Variants in HCN1 observed in about 807,000 individuals in gnomAD.
HCN1 encodes hyperpolarization activated cyclic nucleotide gated potassium channel 1.
HCN1 carries 13 observed loss-of-function variants against 78.9 expected under a neutral mutation model. The ratio of observed to expected loss-of-function variants is 0.16; its 90% CI spans 0.11 to 0.26. The LOEUF (loss-of-function observed/expected upper bound fraction) is 0.26. Ranked by LOEUF, HCN1 falls within the 10% of genes least tolerant of loss-of-function variation. The pLI is 1.00. For synonymous variants in HCN1, 552 were observed against 455.5 expected (o/e 1.21, Z -2.70); for missense variants, 810 against 1,154.3 (o/e 0.70, Z 4.32).
Position 45,591,433 on chromosome 5 carries a change from T to A in HCN1, c.849+53752A>T, listed in dbSNP as rs545294190. 2.5e-4 allele frequency among the ~76,000 whole-genome samples: 38 copies of A among 152,276 alleles called. No individual in the cohort carries two copies. In the South Asian group the frequency reaches 7.5e-3, roughly 30 times the overall value. On this transcript the variant is annotated intron_variant, in intron 2 of 7. Coordinates refer to ENST00000303230, the MANE Select transcript of HCN1 (RefSeq NM_021072.4). Reference sequence around the variant, plus strand: ...GCTCTGCATCCTCTTCAGTATCTGATGTTGTCAGTGTTCTAGATTTTTAGT... The same window carrying A: ...GCTCTGCATCCTCTTCAGTATCTGAAGTTGTCAGTGTTCTAGATTTTTAGT...
intron 1 of HCN1, among the ~76,000 whole-genome samples, chr5:45,650,290 C>A (rs1473157653): frequency 4.6e-5 from 7 of 151,946 alleles, no homozygotes; most frequent in African/African-American, 9.7e-5. Context: ...AGAGAAGCCA[C>A]GACACAAAAA....
At chr5:45,372,982 A>G (rs975681728) in intron 4 of HCN1, among the ~76,000 whole-genome samples, 3 of 140,486 alleles carry the variant, frequency 2.1e-5, no homozygotes, top group Non-Finnish European at 3.1e-5. Context: ...AAATAAATAA[A>G]AAATAATATA....
intron 2 of HCN1, among the ~76,000 whole-genome samples, chr5:45,483,530 C>T (rs1296329664): frequency 2.6e-5 from 4 of 152,062 alleles, no homozygotes; most frequent in Admixed American, 2.0e-4. Flanking sequence ...AAGGCTTTGT[C>T]GGATGCATAG....
Position 45,696,072 on chromosome 5 carries a change from T to G in HCN1, c.22A>C (p.Asn8His). 7.4e-7 allele frequency: 1 copy of G among 1,351,984 alleles called. No homozygotes were observed. Among genetic ancestry groups the G allele is most frequent in the Non-Finnish European group, 9.6e-7 (1 of 1,041,344 alleles). The allele number at this position is 1,351,984 out of a possible 1,614,324, so 83.7% of individuals were successfully genotyped here. The change falls in exon 1 of 8, where the codon AAC (asparagine) becomes CAC (histidine). Residue 8 changes from asparagine to histidine, a missense_variant. By Grantham distance (68) the Asn-to-His change is moderately conservative. This residue lies in a region of HCN1 where 170 missense variants were observed against 166.8 expected (regional missense o/e 1.02). Coordinates refer to ENST00000303230, the MANE Select transcript of HCN1 (RefSeq NM_021072.4). MEGGGKPNSSSNSRDDGN... is the reference protein window; with the variant it reads MEGGGKPHSSSNSRDDGN... Reference sequence around the variant, plus strand: ...TCGTCCCGGCTGTTAGACGAAGAGTTGGGCTTGCCGCCTCCTTCCATGCCC... The same window carrying G: ...TCGTCCCGGCTGTTAGACGAAGAGTGGGGCTTGCCGCCTCCTTCCATGCCC...
At position 45,255,844 on chromosome 5, in the gene HCN1, T is replaced by G. The variant is rs1744600087; in HGVS notation, c.*6077A>C. ...GAAAGTCTCTTTGCCTCTACACATC[T>G]GAATATTCTCTGTAGAAAACGATGC... On this transcript the variant is annotated 3_prime_UTR_variant, in exon 8 of 8. Transcript: ENST00000303230. 6.6e-6 allele frequency: 1 copy of G among 152,092 alleles called. No individual in the cohort carries two copies. 9.4% of individuals were successfully genotyped at this position (152,092 alleles called of 1,614,324 possible).
intron 2 of HCN1, among the ~76,000 whole-genome samples, chr5:45,474,556 A>T (rs1215678151): frequency 6.6e-6 from 1 of 151,904 alleles, no homozygotes; most frequent in African/African-American, 2.4e-5. Context: ...TGATGCCACC[A>T]TCCTGGTTAA....
intron 5 of HCN1, among the ~76,000 whole-genome samples, chr5:45,343,995 A>G (rs968063256): frequency 1.3e-5 from 2 of 152,190 alleles, no homozygotes; most frequent in African/African-American, 2.4e-5. Flanking sequence ...GTTAATAAAG[A>G]CATAACTGAG....
chr5:45,377,784 T>G (rs932634144), intron 4 of HCN1, among the ~76,000 whole-genome samples: 1 of 151,914 alleles, frequency 6.6e-6, no homozygotes, highest in African/African-American at 2.4e-5. Context: ...CTATAACAAA[T>G]TGGGTTGTAG....
chr5:45,399,206 A>C (rs114212682), intron 3 of HCN1, among the ~76,000 whole-genome samples: 5,781 of 152,214 alleles, frequency 0.038, 395 homozygotes, highest in African/African-American at 0.13. Flanking sequence ...CTAATCTGGG[A>C]CCAGTCCTGG....
intron 2 of HCN1, among the ~76,000 whole-genome samples, chr5:45,484,214 C>A (rs1245061206): frequency 6.6e-6 from 1 of 152,084 alleles, no homozygotes; most frequent in East Asian, 1.9e-4. Context: ...GGGCAGATCA[C>A]AAGGTCAGGA....
chr5:45,658,327 G>T (rs1340567568), intron 1 of HCN1, among the ~76,000 whole-genome samples: 5 of 152,132 alleles, frequency 3.3e-5, no homozygotes, highest in Admixed American at 1.3e-4. Flanking sequence ...CATAGGCATG[G>T]GCAAGGACTT....
intron 5 of HCN1, among the ~76,000 whole-genome samples, chr5:45,317,697 A>T (rs372195751): frequency 6.6e-6 from 1 of 151,678 alleles, no homozygotes; most frequent in Admixed American, 6.6e-5. Flanking sequence ...GAATCTACAA[A>T]GAGCTCAAAC....
chr5:45,677,064 G>A (rs1239997392), intron 1 of HCN1, among the ~76,000 whole-genome samples: 2 of 151,730 alleles, frequency 1.3e-5, no homozygotes, highest in Non-Finnish European at 2.9e-5. Context: ...TGAAACATGT[G>A]GCTAATTCCT....
intron 3 of HCN1, among the ~76,000 whole-genome samples, chr5:45,425,339 T>C (rs1474916393): frequency 6.6e-6 from 1 of 152,240 alleles, no homozygotes; most frequent in Non-Finnish European, 1.5e-5. Context: ...ATTTATTTGA[T>C]CATTTGATAA....
At chr5:45,320,701 T>A (rs1746106839) in intron 5 of HCN1, among the ~76,000 whole-genome samples, 1 of 151,864 alleles carries the variant, frequency 6.6e-6, no homozygotes, top group Non-Finnish European at 1.5e-5. Context: ...GGTTTAGATA[T>A]TAACCAACAA....
chr5:45,321,463 G>T (rs1294802569), intron 5 of HCN1, among the ~76,000 whole-genome samples: 1 of 150,162 alleles, frequency 6.7e-6, no homozygotes, highest in Non-Finnish European at 1.5e-5. Context: ...CCACAGTGGG[G>T]CCTCCCTGTT....
chr5:45,357,281 A>G (rs565460693), intron 4 of HCN1, among the ~76,000 whole-genome samples: 56 of 152,198 alleles, frequency 3.7e-4, no homozygotes, highest in Admixed American at 7.9e-4. Context: ...AGTTGACTCC[A>G]TATAGAATTC....
chr5:45,673,124 C>G (rs1240351477), intron 1 of HCN1, among the ~76,000 whole-genome samples: 1 of 151,364 alleles, frequency 6.6e-6, no homozygotes, highest in African/African-American at 2.4e-5. Flanking sequence ...ATCACTTTCA[C>G]AGTTTGGGGG....
intron 3 of HCN1, among the ~76,000 whole-genome samples, chr5:45,454,806 C>T (rs1308733257): frequency 1.4e-4 from 21 of 151,826 alleles, no homozygotes; most frequent in Admixed American, 1.1e-3. Flanking sequence ...AATAATTGTC[C>T]GGGTTTCTAT....
Sources: allele counts gnomAD v4.1 joint callset (sites outside exome capture counted in the v4.1 genomes callset), GRCh38; gene constraint gnomAD v4.1.1; regional missense constraint gnomAD v4.1.1; transcripts MANE v1.5; gene names NCBI Gene and HGNC (gene_info 2026-07-23, HGNC 2026-07-21).